Variants in FANCC observed in about 807,000 individuals in gnomAD.
FANCC encodes the protein Fanconi anemia group C protein.
In FANCC, 55 loss-of-function variants were observed where a neutral mutation model predicts 71.3. The ratio of observed to expected loss-of-function variants is 0.77; its 90% CI spans 0.62 to 0.97. The LOEUF is 0.97. Among genes scored for constraint, FANCC ranks in the 50% least tolerant of loss-of-function variants. The probability of loss-of-function intolerance (pLI) is 0.00; values close to 1 mark genes in which losing one functional copy is unlikely to be tolerated. For synonymous variants in FANCC, 275 were observed against 244.9 expected, an observed-to-expected ratio of 1.12 and a Z score of -1.15; for missense variants, 678 against 670.9, an observed-to-expected ratio of 1.01 and a Z score of -0.12.
chr9:95,247,577 T>G (rs1437115394), intron 2 of FANCC, 61 bp from the exon 3 acceptor site: 2 of 1,062,740 alleles, frequency 1.9e-6, no homozygotes, highest in African/African-American at 3.1e-5. Flanking sequence ...AATACTGAAC[T>G]GACATTATAG....
At chr9:95,286,516 T>G (rs959082798) in intron 1 of FANCC, among the ~76,000 whole-genome samples, 1 of 152,266 alleles carries the variant, frequency 6.6e-6, no homozygotes, top group Non-Finnish European at 1.5e-5. Context: ...CAGCAGGCAC[T>G]GTGGCTAATG....
At chr9:95,215,160 C>T (rs1221025485) in intron 4 of FANCC, among the ~76,000 whole-genome samples, 2 of 152,114 alleles carry the variant, frequency 1.3e-5, no homozygotes, top group Admixed American at 6.6e-5. Flanking sequence ...ATATCTCTTA[C>T]AGTTCGGATA....
chr9:95,296,035 G>T (rs1834354011), intron 1 of FANCC, among the ~76,000 whole-genome samples: 1 of 152,234 alleles, frequency 6.6e-6, no homozygotes. Flanking sequence ...GAGGTGATGG[G>T]TATGTTTACA....
rs564862853 is a variant in FANCC, at chr9:95,233,934, C to A, written c.345+6715G>T. Among the ~76,000 whole-genome samples the A allele has an allele frequency of 3.3e-5, 5 of 152,290 alleles. No homozygotes were observed. In the East Asian group the frequency reaches 9.7e-4, roughly 29 times the overall value. On this transcript the variant is annotated intron_variant, in intron 4 of 14. Transcript: ENST00000289081. Reference sequence around the variant, plus strand: ...CCCTGAGGGAAGGGTGGGGATTCCACCTCACAGAGGGCTGGCAGGAGCCCT... The same window carrying A: ...CCCTGAGGGAAGGGTGGGGATTCCAACTCACAGAGGGCTGGCAGGAGCCCT...
intron 4 of FANCC, among the ~76,000 whole-genome samples, chr9:95,174,053 A>T (rs1825856736): frequency 6.6e-6 from 1 of 152,246 alleles, no homozygotes; most frequent in South Asian, 2.1e-4. Flanking sequence ...GGAAGAAAAC[A>T]TCACTGTCTT....
At chr9:95,200,612 T>C (rs1249793404) in intron 4 of FANCC, among the ~76,000 whole-genome samples, 2 of 152,222 alleles carry the variant, frequency 1.3e-5, no homozygotes, top group Non-Finnish European at 2.9e-5. Context: ...ATTTCTCATC[T>C]CATCTATAAC....
In FANCC at chr9:95,111,465, T is replaced by C. The variant is rs150941781; in HGVS notation, c.1327A>G (p.Met443Val). ...ATGCAGTGGGGCCTGCTACCCACCA[T>C]AGTCTGTGCTCTCTGCTGCCTCCCA... ...RDGRQQRAQT[M>V]VQVKAVLGHL... Residue 443 changes from methionine (M) to valine (V), a missense_variant and splice_region_variant, in exon 13 of 15, where the codon ATG (methionine) becomes GTG (valine). Physicochemically the swap from Met to Val is conservative, Grantham distance 21. Transcript: ENST00000289081. 86 of 1,612,410 alleles carry C rather than the reference T, an allele frequency of 5.3e-5. No homozygotes were observed. The highest frequency in any genetic ancestry group is 7.2e-5 in the Non-Finnish European group (85 of 1,179,972).
chr9:95,104,535 G>A (rs913516077), intron 14 of FANCC, among the ~76,000 whole-genome samples: 11 of 152,204 alleles, frequency 7.2e-5, no homozygotes, highest in African/African-American at 2.7e-4. Flanking sequence ...GATGCAGGCT[G>A]GCCCTTGCAG....
At chr9:95,202,557 A>T (rs1039507174) in intron 4 of FANCC, among the ~76,000 whole-genome samples, 1 of 152,276 alleles carries the variant, frequency 6.6e-6, no homozygotes, top group African/African-American at 2.4e-5. Flanking sequence ...AAATATGCTC[A>T]GGGCGAAAGA....
intron 4 of FANCC, among the ~76,000 whole-genome samples, chr9:95,177,051 C>T (rs1826051737): frequency 1.3e-5 from 2 of 152,218 alleles, no homozygotes; most frequent in Admixed American, 6.5e-5. Flanking sequence ...CTAGATATTA[C>T]AGTCATGTAT....
chr9:95,156,678 T>C (rs1830474549), intron 6 of FANCC, among the ~76,000 whole-genome samples: 1 of 152,134 alleles, frequency 6.6e-6, no homozygotes, highest in Non-Finnish European at 1.5e-5. Context: ...GAACAAAACT[T>C]TTCAAGTCCA....
At chr9:95,114,216 TCTC>T (rs1267844219) in intron 12 of FANCC, 1 of 284,806 alleles carries the variant, frequency 3.5e-6, no homozygotes, top group African/African-American at 2.2e-5. Context: ...GAGTTTCAAA[TCTC>T]CTTCCCTAGA....
intron 1 of FANCC, among the ~76,000 whole-genome samples, chr9:95,251,237 G>A (rs537066137): frequency 6.6e-5 from 10 of 152,260 alleles, no homozygotes; most frequent in East Asian, 3.9e-4. Flanking sequence ...ATAATTCACC[G>A]GTATTCCTCA....
chr9:95,174,353 A>C (rs1468313075), intron 4 of FANCC, among the ~76,000 whole-genome samples: 1 of 152,086 alleles, frequency 6.6e-6, no homozygotes, highest in Non-Finnish European at 1.5e-5. Context: ...TGCCCTCATG[A>C]CTTAATCACC....
At chr9:95,311,456 A>G (rs920020973) in intron 1 of FANCC, among the ~76,000 whole-genome samples, 1 of 152,176 alleles carries the variant, frequency 6.6e-6, no homozygotes, top group African/African-American at 2.4e-5. Context: ...GGCACCTCCA[A>G]AATCTTATAA....
intron 4 of FANCC, among the ~76,000 whole-genome samples, chr9:95,199,297 T>C (rs1827657247): frequency 6.6e-6 from 1 of 151,882 alleles, no homozygotes; most frequent in Admixed American, 6.6e-5. Flanking sequence ...TAGAGAAGCC[T>C]TCCCAGGATT....
intron 4 of FANCC, among the ~76,000 whole-genome samples, chr9:95,177,098 G>A (rs1228469215): frequency 1.3e-5 from 2 of 152,168 alleles, no homozygotes; most frequent in Non-Finnish European, 1.5e-5. Context: ...GAAATGCTTC[G>A]TTAGGCAGTT....
chr9:95,126,501 T>C (rs1825997697), intron 9 of FANCC, 28 bp downstream of exon 9: 1 of 1,605,082 alleles, frequency 6.2e-7, no homozygotes, highest in African/African-American at 1.3e-5. Context: ...TTTACATCAA[T>C]TACTAGAAGA....
intron 6 of FANCC, among the ~76,000 whole-genome samples, chr9:95,160,352 A>G (rs1830672966): frequency 6.6e-6 from 1 of 151,952 alleles, no homozygotes; most frequent in Non-Finnish European, 1.5e-5. Context: ...GTGTGGTGTT[A>G]TTTCTGAGGC....
Sources: allele counts gnomAD v4.1 joint callset (sites outside exome capture counted in the v4.1 genomes callset), GRCh38; gene constraint gnomAD v4.1.1; transcripts MANE v1.5; gene names NCBI Gene and HGNC (gene_info 2026-07-23, HGNC 2026-07-21).